The following CGRRF1 variants were observed in gnomAD, a reference collection of about 807,000 sequenced individuals.
The protein encoded by CGRRF1 is cell growth regulator with ring finger domain 1.
In CGRRF1, 32 loss-of-function variants were observed where a neutral mutation model predicts 37.2. That is an observed-to-expected ratio of 0.86 (90% CI 0.65 to 1.16). The LOEUF (loss-of-function observed/expected upper bound fraction) is 1.16, where lower values mean the gene tolerates loss of function less well. Among genes scored for constraint, CGRRF1 ranks in the 50% most tolerant of loss-of-function variants. The pLI, the probability that CGRRF1 is intolerant of heterozygous loss-of-function variation, is 0.00. For synonymous variants in CGRRF1, 141 were observed against 140.3 expected, an observed-to-expected ratio of 1.00 and a Z score of -0.04; for missense variants, 391 against 382.6, an observed-to-expected ratio of 1.02 and a Z score of -0.18.
chr14:54,515,066 C>CT (rs745755385), intron 1 of CGRRF1, among the ~76,000 whole-genome samples: 12 of 149,008 alleles, frequency 8.1e-5, no homozygotes, highest in Non-Finnish European at 1.6e-4. Context: ...AATATATATT[C>CT]TGCTATTATT....
At chr14:54,513,744 CTGTT>C (rs2032170224) in intron 1 of CGRRF1, among the ~76,000 whole-genome samples, 1 of 152,068 alleles carries the variant, frequency 6.6e-6, no homozygotes, top group Non-Finnish European at 1.5e-5. Flanking sequence ...GGCAGGAAGA[CTGTT>C]TGAGCCCAGA....
intron 2 of CGRRF1, among the ~76,000 whole-genome samples, chr14:54,524,172 C>A (rs1197856040): frequency 6.6e-6 from 1 of 152,114 alleles, no homozygotes; most frequent in African/African-American, 2.4e-5. Flanking sequence ...CCAGTGGGAG[C>A]CTTTCAGGGC....
Position 54,538,155 on chromosome 14 carries a change from G to A in CGRRF1, c.771G>A (p.Val257=), listed in dbSNP as rs1329736180. ...KNTDRSLLEK[V]GLSESEVEPS... ...CAGACAGAAGTTTGTTGGAAAAGGTGGGACTCTCTGAAAGTGAAGTTGAGC... is the reference window on the plus strand; with the variant it reads ...CAGACAGAAGTTTGTTGGAAAAGGTAGGACTCTCTGAAAGTGAAGTTGAGC... Residue 257 remains valine (V), a synonymous_variant, in exon 6 of 6, where the codon GTG becomes GTA. Coordinates refer to ENST00000216420, the MANE Select transcript of CGRRF1 (RefSeq NM_006568.3). 1.9e-6 allele frequency: 3 copies of A among 1,614,106 alleles called. No homozygotes were observed. The highest frequency in any genetic ancestry group is 8.5e-7 in the Non-Finnish European group (1 of 1,179,990).
chr14:54,538,202 A>G lies in CGRRF1; in HGVS notation c.818A>G (p.Asp273Gly), dbSNP rs1244416728. The change falls in exon 6 of 6, where the codon GAC becomes GGC. Residue 273 changes from aspartate (D) to glycine (G), a missense_variant. Transcript: ENST00000216420. ...GAGCCATCGGAAGAGAACAGCAAGG[A>G]CTGTGTTGTTTGCCAGAATGGGACT... ...EVEPSEENSK[D>G]CVVCQNGTVN... 3.1e-6 allele frequency: 5 copies of G among 1,614,048 alleles called. No homozygotes were observed. In the Admixed American group the frequency reaches 8.3e-5, roughly 27 times the overall value.
At chr14:54,510,757 G>C (rs985121909) in intron 1 of CGRRF1, among the ~76,000 whole-genome samples, 1 of 152,172 alleles carries the variant, frequency 6.6e-6, no homozygotes, top group Non-Finnish European at 1.5e-5. Flanking sequence ...CTAGCCTAGA[G>C]GTTCAATTTC....
Position 54,530,094 on chromosome 14 carries a change from C to T in CGRRF1, c.290C>T (p.Thr97Ile), listed in dbSNP as rs773763951. The T allele has an allele frequency of 2.5e-6, 4 of 1,613,124 alleles. No homozygotes were observed. The highest frequency in any genetic ancestry group is 2.2e-5 in the East Asian group (1 of 44,846). ...TTDCLEDSLLTCYWGCSVQKL... is the reference protein window; with the variant it reads ...TTDCLEDSLLICYWGCSVQKL... ...GATTGCCTTGAAGATAGCCTCCTTA[C>T]ATGCTACTGGGGGTGCAGTGTTCAA... The change falls in exon 3 of 6, where the codon ACA (threonine) becomes ATA (isoleucine). Residue 97 changes from threonine (T) to isoleucine (I), a missense_variant. Transcript: ENST00000216420.
intron 2 of CGRRF1, among the ~76,000 whole-genome samples, chr14:54,528,002 A>G (rs1859689763): frequency 6.6e-6 from 1 of 152,100 alleles, no homozygotes; most frequent in Non-Finnish European, 1.5e-5. Context: ...TGGCCTCCCA[A>G]AGTGCTGGAA....
intron 4 of CGRRF1, among the ~76,000 whole-genome samples, chr14:54,531,838 T>C (rs1035140803): frequency 1.3e-5 from 2 of 152,304 alleles, no homozygotes; most frequent in East Asian, 3.9e-4. Flanking sequence ...AATAAACTTT[T>C]GATGAAATTG....
At chr14:54,525,822 C>T (rs1004264739) in intron 2 of CGRRF1, among the ~76,000 whole-genome samples, 8 of 152,148 alleles carry the variant, frequency 5.3e-5, no homozygotes, top group African/African-American at 1.7e-4. Flanking sequence ...AGAGGCTGCA[C>T]GTGGTGGCTC....
At chr14:54,518,637 A>G (rs925628001) in intron 1 of CGRRF1, among the ~76,000 whole-genome samples, 1 of 151,704 alleles carries the variant, frequency 6.6e-6, no homozygotes, top group Non-Finnish European at 1.5e-5. Flanking sequence ...AATAATTGCC[A>G]TTATGACTGG....
At chr14:54,520,822 C>T (rs999951295) in intron 1 of CGRRF1, among the ~76,000 whole-genome samples, 29 of 152,128 alleles carry the variant, frequency 1.9e-4, no homozygotes, top group African/African-American at 7.0e-4. Context: ...TTTCTTTTTT[C>T]TTAAAGCATA....
intron 1 of CGRRF1, among the ~76,000 whole-genome samples, chr14:54,517,038 A>G (rs2032229558): frequency 1.3e-5 from 2 of 152,100 alleles, no homozygotes; most frequent in Admixed American, 1.3e-4. Context: ...TCTATATCAT[A>G]TGTGCAGTCA....
intron 1 of CGRRF1, among the ~76,000 whole-genome samples, chr14:54,515,120 C>T (rs111368121): frequency 0.13 from 18,923 of 141,518 alleles, 1,617 homozygotes; most frequent in African/African-American, 0.24. Context: ...GACAGAGTCT[C>T]GCTCTGTCAC....
chr14:54,534,689 T>C (rs2032572547), intron 4 of CGRRF1, among the ~76,000 whole-genome samples: 1 of 152,178 alleles, frequency 6.6e-6, no homozygotes, highest in Non-Finnish European at 1.5e-5. Context: ...CTTTGCATTA[T>C]TGTTCTCCCA....
chr14:54,527,135 T>C (rs1304937397), intron 2 of CGRRF1, among the ~76,000 whole-genome samples: 2 of 152,186 alleles, frequency 1.3e-5, no homozygotes, highest in African/African-American at 4.8e-5. Context: ...CCAATTCTGT[T>C]AATGCTATTG....
rs762459905 is a variant in CGRRF1 at position 54,538,318 on chromosome 14, G to A, written c.934G>A (p.Val312Ile). ...GCAGTGCCCAATGTGCAGGCAGTTT[G>A]TTCAGGAATCTTTTGCACTTTGCAG... ...FQQCPMCRQF[V>I]QESFALCSQK... The change falls in exon 6 of 6, where the codon GTT becomes ATT. Residue 312 changes from valine (V) to isoleucine (I), a missense_variant. Physicochemically the swap from Val to Ile is conservative, Grantham distance 29. Coordinates refer to ENST00000216420, the MANE Select transcript of CGRRF1 (RefSeq NM_006568.3). The A allele has an allele frequency of 3.1e-6, 5 of 1,613,884 alleles. No individual in the cohort carries two copies. The highest frequency in any genetic ancestry group is 2.2e-5 in the East Asian group (1 of 44,884).
rs553993021 is a variant in CGRRF1, at chr14:54,519,002, G to T, written c.105-3452G>T. Among the ~76,000 whole-genome samples, 171 of 152,290 alleles carry T rather than the reference G, an allele frequency of 1.1e-3. 3 individuals are homozygous for T. Among genetic ancestry groups the T allele is most frequent in the African/African-American group, 3.8e-3 (157 of 41,572 alleles). ...TTGTTGCCCAGGCTGGAGTACAATG[G>T]CATGATCTCGGCTCTCTGCAACCTC... On this transcript the variant is annotated intron_variant, in intron 1 of 5. Coordinates refer to ENST00000216420, the MANE Select transcript of CGRRF1 (RefSeq NM_006568.3).
chr14:54,536,546 G>A (rs181484395), intron 4 of CGRRF1: 1 of 152,128 alleles, frequency 6.6e-6, no homozygotes, highest in South Asian at 2.1e-4. Context: ...TCCACAGAGT[G>A]TATTGACAAG....
intron 1 of CGRRF1, among the ~76,000 whole-genome samples, chr14:54,519,412 T>A (rs1278694381): frequency 8.3e-6 from 1 of 119,896 alleles, no homozygotes; most frequent in Non-Finnish European, 1.8e-5. Flanking sequence ...TAATTTTCCA[T>A]TTTTTTTTTT....
Sources: allele counts gnomAD v4.1 joint callset (sites outside exome capture counted in the v4.1 genomes callset), GRCh38; gene constraint gnomAD v4.1.1; transcripts MANE v1.5; gene names NCBI Gene and HGNC (gene_info 2026-07-23, HGNC 2026-07-21).